Variants in METTL4 observed in about 807,000 individuals in gnomAD.
METTL4 encodes methyltransferase 4, N6-adenosine, also known as N(6)-adenine-specific methyltransferase METTL4.
A neutral mutation model predicts 54.0 loss-of-function variants in METTL4; 40 were observed. That is an observed-to-expected ratio of 0.74 (90% CI 0.58 to 0.96). The LOEUF (loss-of-function observed/expected upper bound fraction) is 0.96, where lower values mean the gene tolerates loss of function less well. METTL4 is among the 50% of genes least tolerant of loss of function. METTL4 has a pLI of 0.00. For missense variants in METTL4, 525 were observed against 549.0 expected, an observed-to-expected ratio of 0.96 and a Z score of 0.44; for synonymous variants, 169 against 183.8, an observed-to-expected ratio of 0.92 and a Z score of 0.65.
rs1281447045 is a variant in METTL4 at position 2,570,754 on chromosome 18, A to T, written c.-439+395T>A. ...CAGAGCAGAAAGGCAAGCTGCCCAA[A>T]AATAACAACGCTAGTTAATGGCACA... On this transcript the variant is annotated intron_variant, in intron 1 of 8. Coordinates refer to ENST00000574538, the MANE Select transcript of METTL4 (RefSeq NM_022840.5). Among the ~76,000 whole-genome samples the T allele has an allele frequency of 2.6e-5, 4 of 152,264 alleles. No homozygotes were observed. In the East Asian group the frequency reaches 7.7e-4, roughly 29 times the overall value.
intron 8 of METTL4, among the ~76,000 whole-genome samples, chr18:2,542,441 T>C (rs2072006653): frequency 6.7e-6 from 1 of 148,470 alleles, no homozygotes; most frequent in Admixed American, 6.9e-5. Context: ...CTGAGGCTCA[T>C]CTTTAAATAT....
chr18:2,562,855 T>G (rs1303578655), intron 3 of METTL4, among the ~76,000 whole-genome samples: 2 of 152,066 alleles, frequency 1.3e-5, no homozygotes, highest in African/African-American at 4.8e-5. Flanking sequence ...AGTGGTGTGG[T>G]ACAACATTGT....
intron 5 of METTL4, among the ~76,000 whole-genome samples, chr18:2,550,523 A>G (rs1463070489): frequency 6.6e-6 from 1 of 152,190 alleles, no homozygotes; most frequent in African/African-American, 2.4e-5. Flanking sequence ...AACTATTAAT[A>G]AAAATACATC....
In METTL4 at chr18:2,539,728, C is replaced by T. The variant is rs566061200; in HGVS notation, c.1274-583G>A. ...AACTCCTGACCTCAGGCAATCCACT[C>T]GCCTCGGCCTCCCAAAGTGCTAGGA... On this transcript the variant is annotated intron_variant, in intron 8 of 8. Coordinates refer to ENST00000574538, the MANE Select transcript of METTL4 (RefSeq NM_022840.5). The T allele has an allele frequency of 4.1e-4, 238 of 577,104 alleles. No individual in the cohort carries two copies. In the African/African-American group the frequency reaches 4.4e-3, roughly 11 times the overall value. The allele number at this position is 577,104 out of a possible 1,614,324, so 35.7% of individuals were successfully genotyped here.
intron 3 of METTL4, among the ~76,000 whole-genome samples, chr18:2,556,833 G>A (rs954632201): frequency 2.2e-4 from 33 of 152,080 alleles, no homozygotes; most frequent in African/African-American, 7.7e-4. Context: ...AGGAGGAGGT[G>A]GGGGTCAGGG....
chr18:2,563,955 ATAAT>A (rs1028157623), intron 2 of METTL4, 96 bp from the exon 3 acceptor site: 4 of 658,522 alleles, frequency 6.1e-6, no homozygotes, highest in South Asian at 2.4e-5. Context: ...CTGTCTAATA[ATAAT>A]TAATAATTAA....
At chr18:2,548,832 C>T (rs1435747677) in intron 5 of METTL4, among the ~76,000 whole-genome samples, 1 of 152,204 alleles carries the variant, frequency 6.6e-6, no homozygotes, top group East Asian at 1.9e-4. Flanking sequence ...CCTCCCTTTA[C>T]CCTTCAACCT....
chr18:2,571,494 G>C lies in METTL4; in HGVS notation c.-784C>G, dbSNP rs904767488. 4 of 152,254 alleles carry C rather than the reference G, an allele frequency of 2.6e-5. No homozygotes were observed. Among genetic ancestry groups the C allele is most frequent in the Admixed American group, 6.5e-5 (1 of 15,290 alleles). The allele number at this position is 152,254 out of a possible 1,614,324, so 9.4% of individuals were successfully genotyped here. On this transcript the variant is annotated 5_prime_UTR_variant, in exon 1 of 9. Transcript: ENST00000574538. Reference sequence around the variant, plus strand: ...CAGCACGCAGCCTTCCAGCGACGAGGCGGTCGCATGGAAGTTACTGCGCGC... The same window carrying C: ...CAGCACGCAGCCTTCCAGCGACGAGCCGGTCGCATGGAAGTTACTGCGCGC...
intron 1 of METTL4, among the ~76,000 whole-genome samples, chr18:2,570,668 G>C (rs940337942): frequency 2.0e-5 from 3 of 152,206 alleles, no homozygotes; most frequent in Admixed American, 2.0e-4. Flanking sequence ...CCACAGCTGA[G>C]GTGAAAAGGG....
Position 2,557,044 on chromosome 18 carries a change from T to C in METTL4, c.460-2006A>G, listed in dbSNP as rs532330553. The stretch of plus-strand genomic sequence containing the variant: ...CCCTAAGCAATGGGAAAGAAATCGA[T>C]AGCCCCAGCAAATTGCCTGGAGAGA... On this transcript the variant is annotated intron_variant, in intron 3 of 8. Transcript: ENST00000574538. 7.9e-5 allele frequency among the ~76,000 whole-genome samples: 12 copies of C among 152,074 alleles called. No homozygotes were observed. In the East Asian group the frequency reaches 2.3e-3, roughly 29 times the overall value.
intron 5 of METTL4, among the ~76,000 whole-genome samples, chr18:2,550,597 C>T (rs1458734179): frequency 5.3e-5 from 8 of 152,178 alleles, no homozygotes; most frequent in African/African-American, 1.9e-4. Context: ...ACTTCTAAAA[C>T]CAACTGCAAG....
intron 3 of METTL4, among the ~76,000 whole-genome samples, chr18:2,563,084 T>C (rs571998030): frequency 4.6e-5 from 7 of 152,198 alleles, no homozygotes; most frequent in Non-Finnish European, 8.8e-5. Context: ...ATTCTGTTTC[T>C]TCTCATTTCT....
chr18:2,566,444 C>CT (rs904066503), intron 2 of METTL4, among the ~76,000 whole-genome samples: 11 of 151,558 alleles, frequency 7.3e-5, no homozygotes, highest in South Asian at 2.1e-4. Flanking sequence ...TGTAGAAAAA[C>CT]TTTTTTTTTA....
At chr18:2,543,201 C>A (rs2072020607) in intron 8 of METTL4, among the ~76,000 whole-genome samples, 1 of 151,792 alleles carries the variant, frequency 6.6e-6, no homozygotes, top group Non-Finnish European at 1.5e-5. Context: ...AATAAAAATT[C>A]TCTAGGAATT....
chr18:2,570,128 G>A (rs552672256), intron 1 of METTL4, among the ~76,000 whole-genome samples: 1 of 152,260 alleles, frequency 6.6e-6, no homozygotes, highest in East Asian at 1.9e-4. Context: ...CTTAAAAATT[G>A]AAGTTTTAAA....
rs773376495 is a variant in METTL4, at chr18:2,566,963, T to C, written c.254A>G (p.Lys85Arg). Reference sequence around the variant, plus strand: ...AAACAGTTCAGGTCGAAAAACAAATTTTCGTGTGAACATTTCATAATTTCC... The same window carrying C: ...AAACAGTTCAGGTCGAAAAACAAATCTTCGTGTGAACATTTCATAATTTCC... ...DGGNYEMFTR[K>R]FVFRPELFDV... The change falls in exon 2 of 9, where the codon AAA (lysine) becomes AGA (arginine). Residue 85 changes from lysine (K) to arginine (R), a missense_variant. Physicochemically the swap from Lys to Arg is conservative, Grantham distance 26. Coordinates refer to ENST00000574538, the MANE Select transcript of METTL4 (RefSeq NM_022840.5). The C allele has an allele frequency of 6.8e-6, 11 of 1,614,042 alleles. No homozygotes were observed. The highest frequency in any genetic ancestry group is 9.3e-6 in the Non-Finnish European group (11 of 1,180,024).
chr18:2,544,151 A>T lies in METTL4; in HGVS notation c.1273+44T>A, dbSNP rs202092663. 7.6e-5 allele frequency: 114 copies of T among 1,492,550 alleles called. No homozygotes were observed. In the Middle Eastern group the frequency reaches 1.9e-3, roughly 25 times the overall value. 92.5% of individuals were successfully genotyped at this position (1,492,550 alleles called of 1,614,324 possible). A position where few individuals can be genotyped will look rare whatever the true frequency, so the allele number is the denominator to read the frequency against. ...AAATACTAAATGTACACTTTTTTTCAAATTTGACAAAAGTGATAACAATTC... is the reference window on the plus strand; with the variant it reads ...AAATACTAAATGTACACTTTTTTTCTAATTTGACAAAAGTGATAACAATTC... On this transcript the variant is annotated intron_variant, in intron 8 of 8. Transcript: ENST00000574538.
intron 3 of METTL4, among the ~76,000 whole-genome samples, chr18:2,558,206 C>G (rs939257054): frequency 6.6e-6 from 1 of 152,004 alleles, no homozygotes; most frequent in African/African-American, 2.4e-5. Flanking sequence ...AAAGATAACT[C>G]GTATGCTGGG....
intron 1 of METTL4, 93 bp downstream of exon 1, chr18:2,571,056 A>G (rs560897061): frequency 3.9e-5 from 6 of 152,368 alleles, no homozygotes; most frequent in Non-Finnish European, 7.3e-5. Context: ...GCCTCCGGCA[A>G]GTGATCAAAT....
Sources: gnomAD v4.1 joint callset for allele counts (sites outside exome capture counted in the v4.1 genomes callset) on GRCh38, gnomAD v4.1.1 for gene constraint, MANE v1.5 for transcripts, NCBI Gene and HGNC (gene_info 2026-07-23, HGNC 2026-07-21) for gene names.